ITGA4: variants seen among roughly 807,000 people sequenced by gnomAD.
ITGA4 encodes the protein integrin alpha-4.
A neutral mutation model predicts 133.6 loss-of-function variants in ITGA4; 63 were observed. That is an observed-to-expected ratio of 0.47 (90% confidence interval 0.38 to 0.58). ITGA4 has a LOEUF of 0.58. Ranked by LOEUF, ITGA4 falls within the 20% of genes least tolerant of loss-of-function variation. The pLI is 0.00. For synonymous variants in ITGA4, 483 were observed against 438.0 expected (o/e 1.10, Z -1.28); for missense variants, 1,076 against 1,252.7 (o/e 0.86, Z 2.13).
intron 27 of ITGA4, 21 bp from the exon 28 acceptor site, chr2:181,535,406 TAGTGA>T (rs1216090653): frequency 6.5e-7 from 1 of 1,544,580 alleles, no homozygotes; most frequent in South Asian, 1.2e-5. Context: ...AACTATACAC[TAGTGA>T]TTATGTTATG....
chr2:181,466,523 G>A (rs893034133), intron 2 of ITGA4, among the ~76,000 whole-genome samples: 2 of 152,064 alleles, frequency 1.3e-5, no homozygotes, highest in African/African-American at 4.8e-5. Flanking sequence ...TGGAGGAAAA[G>A]AGTTCTAGAA....
At chr2:181,496,029 C>T (rs13000886) in intron 14 of ITGA4, 92 bp downstream of exon 14, 251 of 1,291,804 alleles carry the variant, frequency 1.9e-4, no homozygotes, top group South Asian at 5.2e-4. Context: ...GTTTTCACCA[C>T]GGAGATCTTC....
At chr2:181,465,487 A>C (rs1445226732) in intron 2 of ITGA4, among the ~76,000 whole-genome samples, 1 of 152,010 alleles carries the variant, frequency 6.6e-6, no homozygotes, top group Non-Finnish European at 1.5e-5. Context: ...AATACTGACC[A>C]CCAAGCATAT....
chr2:181,523,257 C>T lies in ITGA4; in HGVS notation c.2074-180C>T, dbSNP rs1686758418. The T allele has an allele frequency of 3.9e-6, 2 of 513,584 alleles. No homozygotes were observed. The highest frequency in any genetic ancestry group is 7.0e-6 in the Non-Finnish European group (2 of 284,124). 31.8% of individuals were successfully genotyped at this position (513,584 alleles called of 1,614,324 possible). A position where few individuals can be genotyped will look rare whatever the true frequency, so the allele number is the denominator to read the frequency against. ...ATATATATACACATACATATATACA[C>T]ACATGCACACATATTTATATCATAT... On this transcript the variant is annotated intron_variant, in intron 18 of 27. Coordinates refer to ENST00000397033, the MANE Select transcript of ITGA4 (RefSeq NM_000885.6). The surrounding 1 kb of genome is among the most constrained non-coding windows in gnomAD (Gnocchi z 4.2).
rs1169798446 is a variant in ITGA4, at chr2:181,534,303, G to C, written c.2816G>C (p.Arg939Thr). The C allele has an allele frequency of 1.2e-6, 2 of 1,610,894 alleles. No individual in the cohort carries two copies. Among genetic ancestry groups the C allele is most frequent in the Non-Finnish European group, 1.7e-6 (2 of 1,177,340 alleles). ...DETSALKFEI[R>T]ATGFPEPNPR... ...ACTTCAGCACTCAAGTTTGAAATAA[G>C]AGCAACAGGTTTTCCAGAGCCAAAT... The change falls in exon 26 of 28, where the codon AGA becomes ACA. Residue 939 changes from arginine (R) to threonine (T), a missense_variant. Around this residue, in one of 4 missense-constraint regions of ITGA4, gnomAD observed 193 missense variants for 172.3 expected, o/e 1.12. Coordinates refer to ENST00000397033, the MANE Select transcript of ITGA4 (RefSeq NM_000885.6).
chr2:181,458,796 G>C (rs1685198402), intron 2 of ITGA4: 1 of 156,578 alleles, frequency 6.4e-6, no homozygotes, highest in Admixed American at 6.1e-5. Flanking sequence ...AAAAGTGATA[G>C]TTTTACTTAC....
chr2:181,466,707 A>T (rs1027691542), intron 2 of ITGA4, among the ~76,000 whole-genome samples: 2 of 152,188 alleles, frequency 1.3e-5, no homozygotes, highest in African/African-American at 2.4e-5. Flanking sequence ...GTCAATTATT[A>T]TATGAATTAG....
intron 2 of ITGA4, among the ~76,000 whole-genome samples, chr2:181,459,680 T>C (rs553877301): frequency 6.6e-6 from 1 of 152,354 alleles, no homozygotes; most frequent in South Asian, 2.1e-4. Flanking sequence ...CATTTTGGAA[T>C]GATTTTGCAA....
rs1362674288 is a variant in ITGA4, at chr2:181,516,031, T to C, written c.1922+4256T>C. Among the ~76,000 whole-genome samples, 4 of 152,022 alleles carry C rather than the reference T, an allele frequency of 2.6e-5. No homozygotes were observed. The highest frequency in any genetic ancestry group is 9.7e-5 in the African/African-American group (4 of 41,422). On this transcript the variant is annotated intron_variant, in intron 17 of 27. Transcript: ENST00000397033. This position sits in a 1 kb window ranked among gnomAD's most constrained non-coding sequence, Gnocchi z 4.0. ...CATCTCTTAAGTTGAGGCTTCCTCCTGTATGTCTAAATGCTTAGGACAATA... is the reference window on the plus strand; with the variant it reads ...CATCTCTTAAGTTGAGGCTTCCTCCCGTATGTCTAAATGCTTAGGACAATA...
At chr2:181,501,369 G>T (rs1174796023) in intron 15 of ITGA4, among the ~76,000 whole-genome samples, 1 of 152,170 alleles carries the variant, frequency 6.6e-6, no homozygotes, top group Non-Finnish European at 1.5e-5. Context: ...GCAAAGGGAA[G>T]AATGGTGGAA....
At position 181,459,745 on chromosome 2, in the gene ITGA4, C is replaced by T. The variant is rs114545560; in HGVS notation, c.319+1428C>T. On this transcript the variant is annotated intron_variant, in intron 2 of 27. Coordinates refer to ENST00000397033, the MANE Select transcript of ITGA4 (RefSeq NM_000885.6). ...TGGGTGAAGAATTAGGGAGTGGAGC[C>T]GACAACTTTGGTCTGCCAGAGGATC... Among the ~76,000 whole-genome samples the T allele has an allele frequency of 6.6e-3, 1,010 of 152,140 alleles. 13 individuals are homozygous for T. The highest frequency in any genetic ancestry group is 0.023 in the African/African-American group (958 of 41,498).
intron 23 of ITGA4, among the ~76,000 whole-genome samples, chr2:181,530,272 C>T (rs1003438676): frequency 2.0e-5 from 3 of 152,194 alleles, no homozygotes; most frequent in Non-Finnish European, 2.9e-5. Context: ...TCATTTTTCA[C>T]ATTTCTGCAA....
intron 15 of ITGA4, among the ~76,000 whole-genome samples, chr2:181,507,412 C>A (rs1686415475): frequency 6.6e-6 from 1 of 152,050 alleles, no homozygotes; most frequent in African/African-American, 2.4e-5. Flanking sequence ...TTAGCTTACC[C>A]TTTTAGATAA....
At chr2:181,493,558 G>A (rs1323044497) in intron 11 of ITGA4, 139 bp downstream of exon 11, 6 of 512,752 alleles carry the variant, frequency 1.2e-5, no homozygotes, top group East Asian at 3.3e-5. Context: ...ACTTATAGTG[G>A]CAAATGATCT....
At position 181,538,114 on chromosome 2, in the gene ITGA4, TTTAAAGCATGGCCAC is replaced by T. The variant is rs1687273843; in HGVS notation, c.*2588_*2602del. On this transcript the variant is annotated 3_prime_UTR_variant, in exon 28 of 28. Coordinates refer to ENST00000397033, the MANE Select transcript of ITGA4 (RefSeq NM_000885.6). ...TCCCAAAAAGGGTGGGGACCACAGG[TTTAAAGCATGGCCAC>T]ATTTCTTTATATTAAAATTCTAGTT... 2 of 1,097,606 alleles carry T rather than the reference TTTAAAGCATGGCCAC, an allele frequency of 1.8e-6. No homozygotes were observed. Among genetic ancestry groups the T allele is most frequent in the Non-Finnish European group, 2.8e-6 (2 of 717,584 alleles). 68.0% of individuals were successfully genotyped at this position (1,097,606 alleles called of 1,614,324 possible).
At chr2:181,530,951 ACC>A (rs1189417030) in intron 24 of ITGA4, among the ~76,000 whole-genome samples, 1 of 151,786 alleles carries the variant, frequency 6.6e-6, no homozygotes, top group African/African-American at 2.4e-5. Context: ...ACAGAGTGAA[ACC>A]CCGTCTCTAC....
chr2:181,467,468 T>C (rs1685446929), intron 2 of ITGA4, among the ~76,000 whole-genome samples: 1 of 152,170 alleles, frequency 6.6e-6, no homozygotes, highest in Admixed American at 6.5e-5. Context: ...AAAAAGTATT[T>C]CACTAGCACT....
intron 11 of ITGA4, 124 bp downstream of exon 11, chr2:181,493,543 C>T (rs139329131): frequency 2.9e-4 from 152 of 530,250 alleles, no homozygotes; most frequent in African/African-American, 2.6e-3. Context: ...TTTATTTCAC[C>T]GTTTACTTAT....
At chr2:181,519,794 G>C (rs2105763224) in intron 17 of ITGA4, among the ~76,000 whole-genome samples, 1 of 152,232 alleles carries the variant, frequency 6.6e-6, no homozygotes, top group South Asian at 2.1e-4. Context: ...TCACAGAACA[G>C]ATAAACACGG....
Sources: allele counts gnomAD v4.1 joint callset (sites outside exome capture counted in the v4.1 genomes callset), GRCh38; gene constraint gnomAD v4.1.1; regional missense constraint gnomAD v4.1.1; non-coding constraint Gnocchi (gnomAD v3.1); transcripts MANE v1.5; gene names NCBI Gene and HGNC (gene_info 2026-07-23, HGNC 2026-07-21).